The following CCDC171 variants were observed in gnomAD, a reference collection of about 807,000 sequenced individuals.
The protein encoded by CCDC171 is coiled-coil domain containing 171, also known as coiled-coil domain-containing protein 171.
A neutral mutation model predicts 168.2 loss-of-function variants in CCDC171; 177 were observed. That is an observed-to-expected ratio of 1.05 (90% CI 0.93 to 1.19). CCDC171 has a LOEUF of 1.19. CCDC171 is among the 50% of genes most tolerant of loss of function. CCDC171 has a pLI of 0.00. For synonymous variants in CCDC171, 687 were observed against 540.8 expected (o/e 1.27, Z -3.75); for missense variants, 1,991 against 1,539.0 (o/e 1.29, Z -4.91).
chr9:15,749,599 G>T (rs1200753236), intron 18 of CCDC171, among the ~76,000 whole-genome samples: 1 of 152,162 alleles, frequency 6.6e-6, no homozygotes, highest in Non-Finnish European at 1.5e-5. Flanking sequence ...AAAAGTAAAA[G>T]AACAGAAATC....
chr9:15,571,541 A>G (rs1300152624), intron 2 of CCDC171, 83 bp from the exon 3 acceptor site: 1 of 1,195,314 alleles, frequency 8.4e-7, no homozygotes, highest in East Asian at 2.7e-5. Flanking sequence ...TTTTTTGAAA[A>G]ATAAGTTATC....
intron 10 of CCDC171, among the ~76,000 whole-genome samples, chr9:15,682,544 A>G (rs912899051): frequency 6.6e-6 from 1 of 151,950 alleles, no homozygotes; most frequent in Non-Finnish European, 1.5e-5. Flanking sequence ...ACATAAAGTG[A>G]TCAGATGTGG....
chr9:15,585,562 C>T (rs1409479757), intron 4 of CCDC171, among the ~76,000 whole-genome samples: 1 of 152,080 alleles, frequency 6.6e-6, no homozygotes, highest in Non-Finnish European at 1.5e-5. Context: ...AGAATCTAAA[C>T]AGTGATGGCC....
At chr9:15,679,136 T>C (rs1449882606) in intron 10 of CCDC171, among the ~76,000 whole-genome samples, 1 of 152,144 alleles carries the variant, frequency 6.6e-6, no homozygotes, top group Non-Finnish European at 1.5e-5. Flanking sequence ...AATTATAGAA[T>C]TTTCAAAAAT....
At chr9:16,015,504 G>C (rs374504329) in intron 3 of CCDC171, among the ~76,000 whole-genome samples, 2 of 152,244 alleles carry the variant, frequency 1.3e-5, no homozygotes, top group East Asian at 3.9e-4. Flanking sequence ...TTCAGCCAAG[G>C]TGGTCTCCTC....
chr9:15,964,928 T>G (rs1830655858), intron 25 of CCDC171, among the ~76,000 whole-genome samples: 1 of 151,960 alleles, frequency 6.6e-6, no homozygotes, highest in Non-Finnish European at 1.5e-5. Flanking sequence ...GCCTGGCTAA[T>G]TTTTTGTATT....
intron 11 of CCDC171, among the ~76,000 whole-genome samples, chr9:15,700,687 TG>T (rs2051660349): frequency 6.6e-6 from 1 of 152,118 alleles, no homozygotes; most frequent in Non-Finnish European, 1.5e-5. Flanking sequence ...ACTCTTGGGA[TG>T]TTGCCCAGGC....
chr9:15,845,724 C>T (rs957344794), intron 21 of CCDC171: 5 of 152,016 alleles, frequency 3.3e-5, no homozygotes, highest in Non-Finnish European at 5.9e-5. Flanking sequence ...TTATTTAGCT[C>T]ACCATCCAAC....
chr9:15,823,616 T>C (rs1263393285), intron 21 of CCDC171, among the ~76,000 whole-genome samples: 1 of 152,112 alleles, frequency 6.6e-6, no homozygotes, highest in African/African-American at 2.4e-5. Context: ...TGCAAAGAAC[T>C]TGACAATACG....
chr9:15,745,487 T>A (rs767296909), intron 17 of CCDC171, 28 bp from the exon 18 acceptor site: 1 of 1,380,788 alleles, frequency 7.2e-7, no homozygotes, highest in Admixed American at 2.4e-5. Context: ...TTTGTAGAAT[T>A]TTACAATGGA....
chr9:16,060,321 G>C (rs1833913822), intron 1 of CCDC171, among the ~76,000 whole-genome samples: 2 of 152,212 alleles, frequency 1.3e-5, no homozygotes, highest in Admixed American at 1.3e-4. Context: ...ACGGAGCGAT[G>C]ACCGTGAGGG....
At chr9:15,695,013 A>G (rs910303111) in intron 10 of CCDC171, among the ~76,000 whole-genome samples, 8 of 152,240 alleles carry the variant, frequency 5.3e-5, no homozygotes, top group African/African-American at 1.9e-4. Context: ...AACACTTAGA[A>G]TAGTGCCAGG....
chr9:16,042,720 A>G (rs1462698530), upstream of CCDC171: 1 of 152,194 alleles, frequency 6.6e-6, no homozygotes, highest in African/African-American at 2.4e-5. Flanking sequence ...GATGGAGTTT[A>G]TGTCCAGGAA....
chr9:16,000,208 T>C (rs1832498766), intron 3 of CCDC171, among the ~76,000 whole-genome samples: 1 of 152,160 alleles, frequency 6.6e-6, no homozygotes, highest in Non-Finnish European at 1.5e-5. Context: ...CACATTTCCA[T>C]ATGTCTTCCA....
At chr9:15,657,247 G>C in intron 8 of CCDC171, 28 bp downstream of exon 8, 2 of 1,421,424 alleles carry the variant, frequency 1.4e-6, no homozygotes. Flanking sequence ...ATTTTGGCCT[G>C]CATTTTCTTA....
At chr9:15,743,200 C>G (rs987206575) in intron 16 of CCDC171, among the ~76,000 whole-genome samples, 7 of 115,684 alleles carry the variant, frequency 6.1e-5, no homozygotes, top group South Asian at 3.0e-4. Flanking sequence ...GCGTCTTGCC[C>G]TGTTACCCAG....
At chr9:15,730,650 C>A (rs1417483412) in intron 16 of CCDC171, among the ~76,000 whole-genome samples, 9 of 151,670 alleles carry the variant, frequency 5.9e-5, no homozygotes, top group Non-Finnish European at 1.3e-4. Flanking sequence ...TATACACACA[C>A]ATACATAAAT....
chr9:16,068,940 C>T, the CCDC171 span, among the ~76,000 whole-genome samples: 1 of 152,164 alleles, frequency 6.6e-6, no homozygotes, highest in Non-Finnish European at 1.5e-5. Context: ...TCTTCATCTC[C>T]AAAAAGGTCT....
At chr9:15,863,565 A>G (rs1443910333) in intron 23 of CCDC171, among the ~76,000 whole-genome samples, 1 of 151,768 alleles carries the variant, frequency 6.6e-6, no homozygotes, top group African/African-American at 2.4e-5. Flanking sequence ...CAAAATTTAT[A>G]TTTTGCTTCT....
Sources: allele counts gnomAD v4.1 joint callset (sites outside exome capture counted in the v4.1 genomes callset), GRCh38; gene constraint gnomAD v4.1.1; transcripts MANE v1.5; gene names NCBI Gene and HGNC (gene_info 2026-07-23, HGNC 2026-07-21).